Variants in ST6GALNAC5 observed in about 807,000 individuals in gnomAD.
ST6GALNAC5 encodes ST6 N-acetylgalactosaminide alpha-2,6-sialyltransferase 5.
Under a neutral mutation model 33.6 loss-of-function variants are expected in ST6GALNAC5, and 27 were observed. The ratio of observed to expected loss-of-function variants is 0.80; its 90% CI spans 0.59 to 1.11. The LOEUF is 1.11. Ranked by LOEUF, ST6GALNAC5 falls within the 50% of genes least tolerant of loss-of-function variation. The probability of loss-of-function intolerance (pLI) is 0.00; values close to 1 mark genes in which losing one functional copy is unlikely to be tolerated. For missense variants in ST6GALNAC5, 428 were observed against 454.0 expected (o/e 0.94, Z 0.52); for synonymous variants, 194 against 171.2 (o/e 1.13, Z -1.04).
chr1:77,028,042 A>G (rs1651313023), intron 2 of ST6GALNAC5, among the ~76,000 whole-genome samples: 2 of 152,160 alleles, frequency 1.3e-5, no homozygotes, highest in South Asian at 2.1e-4. Flanking sequence ...GCAGTCTGTC[A>G]AGGCTCTGTA....
At chr1:77,027,938 T>C (rs1366323891) in intron 2 of ST6GALNAC5, among the ~76,000 whole-genome samples, 1 of 152,238 alleles carries the variant, frequency 6.6e-6, no homozygotes, top group African/African-American at 2.4e-5. Context: ...TTTGCAGTTC[T>C]GGTATCCCTC....
intron 2 of ST6GALNAC5, among the ~76,000 whole-genome samples, chr1:77,011,653 T>C (rs1650638798): frequency 6.6e-6 from 1 of 152,160 alleles, no homozygotes; most frequent in Non-Finnish European, 1.5e-5. Context: ...TTATATTTTG[T>C]ATATGTAGTA....
intron 2 of ST6GALNAC5, among the ~76,000 whole-genome samples, chr1:76,902,081 A>G (rs959814466): frequency 6.6e-6 from 1 of 152,152 alleles, no homozygotes; most frequent in African/African-American, 2.4e-5. Flanking sequence ...TGTTTCTTTA[A>G]AAGAAAAAAA....
At chr1:76,924,266 C>T (rs17099711) in intron 2 of ST6GALNAC5, among the ~76,000 whole-genome samples, 2,042 of 152,262 alleles carry the variant, frequency 0.013, 48 homozygotes, top group African/African-American at 0.046. Context: ...AAATGCAGCA[C>T]ATTGAAGAGA....
intron 2 of ST6GALNAC5, among the ~76,000 whole-genome samples, chr1:76,978,582 A>C (rs11162245): frequency 0.36 from 55,122 of 152,108 alleles, 11,403 homozygotes; most frequent in Non-Finnish European, 0.45. Flanking sequence ...AACGTCCTTT[A>C]ACGACAAAAA....
At chr1:77,046,995 T>C (rs1652035644) in intron 3 of ST6GALNAC5, among the ~76,000 whole-genome samples, 1 of 152,214 alleles carries the variant, frequency 6.6e-6, no homozygotes, top group Non-Finnish European at 1.5e-5. Flanking sequence ...ATTCACTAAA[T>C]ACTGGCCAAT....
intron 2 of ST6GALNAC5, among the ~76,000 whole-genome samples, chr1:76,977,060 T>C (rs1158093452): frequency 6.6e-6 from 1 of 152,232 alleles, no homozygotes; most frequent in Admixed American, 6.5e-5. Flanking sequence ...CTAGCACATC[T>C]ATTTATTCTT....
intron 2 of ST6GALNAC5, among the ~76,000 whole-genome samples, chr1:76,886,306 T>G (rs985307630): frequency 2.6e-5 from 4 of 151,954 alleles, no homozygotes; most frequent in Admixed American, 6.6e-5. Context: ...TCTTAGTTCC[T>G]TTTTTTTGTA....
At chr1:76,970,926 T>C (rs1648730893) in intron 2 of ST6GALNAC5, among the ~76,000 whole-genome samples, 4 of 152,332 alleles carry the variant, frequency 2.6e-5, no homozygotes, top group Middle Eastern at 3.4e-3. Flanking sequence ...TACAGATAAT[T>C]GCATCATATG....
intron 2 of ST6GALNAC5, among the ~76,000 whole-genome samples, chr1:76,932,184 G>T (rs1647149701): frequency 6.6e-6 from 1 of 152,104 alleles, no homozygotes; most frequent in South Asian, 2.1e-4. Flanking sequence ...TGCAAGAGAT[G>T]TTTATGTCTG....
intron 2 of ST6GALNAC5, among the ~76,000 whole-genome samples, chr1:76,884,893 G>A (rs961288925): frequency 6.6e-6 from 1 of 152,178 alleles, no homozygotes; most frequent in African/African-American, 2.4e-5. Context: ...GGGAAGAGTA[G>A]TAACCAGGCT....
chr1:76,935,303 G>A (rs771907979), intron 2 of ST6GALNAC5, among the ~76,000 whole-genome samples: 4 of 151,976 alleles, frequency 2.6e-5, no homozygotes, highest in Non-Finnish European at 5.9e-5. Flanking sequence ...TCTGGATAGG[G>A]GAAAAAATCA....
chr1:77,026,803 A>ATGAG (rs1651255480), intron 2 of ST6GALNAC5, among the ~76,000 whole-genome samples: 1 of 124,904 alleles, frequency 8.0e-6, no homozygotes, highest in East Asian at 2.2e-4. Flanking sequence ...GAATGAATGA[A>ATGAG]TGAATGAATG....
chr1:76,999,113 T>C (rs745706879), intron 2 of ST6GALNAC5, among the ~76,000 whole-genome samples: 3 of 152,104 alleles, frequency 2.0e-5, no homozygotes, highest in Non-Finnish European at 2.9e-5. Context: ...CAATGTGATA[T>C]TTTCCCTAGA....
chr1:76,991,373 A>G (rs1398488108), intron 2 of ST6GALNAC5, among the ~76,000 whole-genome samples: 2 of 152,228 alleles, frequency 1.3e-5, no homozygotes, highest in Admixed American at 6.5e-5. Flanking sequence ...CAACACAGTT[A>G]TATATCATCA....
intron 2 of ST6GALNAC5, among the ~76,000 whole-genome samples, chr1:76,910,849 G>A (rs1304641023): frequency 1.3e-5 from 2 of 151,460 alleles, no homozygotes; most frequent in Non-Finnish European, 2.9e-5. Context: ...TATACATTAG[G>A]TAAATGGTAT....
chr1:77,051,361 C>T (rs765290823), intron 4 of ST6GALNAC5, among the ~76,000 whole-genome samples: 3 of 152,126 alleles, frequency 2.0e-5, no homozygotes, highest in East Asian at 3.9e-4. Context: ...AGAGTCAGGC[C>T]GCAAAGGAGG....
Position 76,867,576 on chromosome 1 carries a change from C to T in ST6GALNAC5, c.-100C>T, listed in dbSNP as rs1557702516. On this transcript the variant is annotated 5_prime_UTR_variant, in exon 1 of 5. Coordinates refer to ENST00000477717, the MANE Select transcript of ST6GALNAC5 (RefSeq NM_030965.3). Reference sequence around the variant, plus strand: ...CCGCGGCCGGCTGCTGGGCAAAAATCAGAGCCGCCTCCGCCCCATTACCCA... The same window carrying T: ...CCGCGGCCGGCTGCTGGGCAAAAATTAGAGCCGCCTCCGCCCCATTACCCA... The T allele has an allele frequency of 6.3e-7, 1 of 1,598,546 alleles. No homozygotes were observed. Among genetic ancestry groups the T allele is most frequent in the Non-Finnish European group, 8.6e-7 (1 of 1,166,608 alleles).
At chr1:77,014,234 A>G (rs1370265460) in intron 2 of ST6GALNAC5, among the ~76,000 whole-genome samples, 1 of 152,214 alleles carries the variant, frequency 6.6e-6, no homozygotes, top group East Asian at 1.9e-4. Context: ...TTTAAATCCC[A>G]TGATCCATTA....
Sources: allele counts gnomAD v4.1 joint callset (sites outside exome capture counted in the v4.1 genomes callset), GRCh38; gene constraint gnomAD v4.1.1; transcripts MANE v1.5; gene names NCBI Gene and HGNC (gene_info 2026-07-23, HGNC 2026-07-21).